Variants in FGD6 observed in about 807,000 individuals in gnomAD.
FGD6 encodes FYVE, RhoGEF and PH domain-containing protein 6.
Under a neutral mutation model 149.4 loss-of-function variants are expected in FGD6, and 90 were observed. The observed-to-expected ratio is 0.60, with a 90% CI of 0.51 to 0.72. The LOEUF (loss-of-function observed/expected upper bound fraction) is 0.72. FGD6 is among the 30% of genes least tolerant of loss of function. FGD6 has a pLI of 0.00. For synonymous variants in FGD6, 527 were observed against 584.0 expected (o/e 0.90, Z 1.41); for missense variants, 1,437 against 1,684.8 (o/e 0.85, Z 2.57).
intron 12 of FGD6, 30 bp downstream of exon 12, chr12:95,107,533 G>A: frequency 1.2e-6 from 2 of 1,610,482 alleles, no homozygotes; most frequent in Non-Finnish European, 1.7e-6. Context: ...CCCTACCTCG[G>A]CCACATCAGA....
intron 3 of FGD6, among the ~76,000 whole-genome samples, chr12:95,170,368 G>C (rs1325015087): frequency 6.6e-6 from 1 of 152,026 alleles, no homozygotes; most frequent in Non-Finnish European, 1.5e-5. Flanking sequence ...AGGCCGGGCA[G>C]GGTGGCTCAT....
chr12:95,127,228 T>G (rs1879371763), intron 8 of FGD6, among the ~76,000 whole-genome samples: 2 of 151,758 alleles, frequency 1.3e-5, no homozygotes, highest in Non-Finnish European at 2.9e-5. Flanking sequence ...ACAGAAGTTT[T>G]CCGTAAGGGT....
intron 8 of FGD6, among the ~76,000 whole-genome samples, chr12:95,130,724 T>TA (rs199932212): frequency 2.7e-5 from 4 of 147,550 alleles, no homozygotes; most frequent in Non-Finnish European, 6.0e-5. Flanking sequence ...ACATAAAATT[T>TA]AAAAAAAAAA....
At chr12:95,161,056 C>A (rs1208172095) in intron 3 of FGD6, among the ~76,000 whole-genome samples, 1 of 147,364 alleles carries the variant, frequency 6.8e-6, no homozygotes, top group Non-Finnish European at 1.5e-5. Flanking sequence ...GGCACACACC[C>A]GTAATCCCAG....
intron 3 of FGD6, among the ~76,000 whole-genome samples, chr12:95,168,219 A>G (rs902951841): frequency 6.6e-6 from 1 of 152,238 alleles, no homozygotes; most frequent in Non-Finnish European, 1.5e-5. Flanking sequence ...AAGTTTTCCC[A>G]TTAAACAAAA....
chr12:95,141,655 T>G (rs2136263309), intron 5 of FGD6, 116 bp from the exon 6 acceptor site: 1 of 1,180,742 alleles, frequency 8.5e-7, no homozygotes, highest in Non-Finnish European at 1.2e-6. Context: ...GTATTTCTCA[T>G]GCAGAATTAC....
chr12:95,210,516 G>T lies in FGD6; in HGVS notation c.768C>A (p.Cys256Ter), dbSNP rs2056720540. The T allele has an allele frequency of 6.2e-7, 1 of 1,613,872 alleles. No homozygotes were observed. The highest frequency in any genetic ancestry group is 8.5e-7 in the Non-Finnish European group (1 of 1,179,980). The change falls in exon 2 of 21, where the codon TGC becomes TGA. Residue 256 changes from cysteine to a stop codon, truncating the protein, a stop_gained. Transcript: ENST00000343958. LOFTEE classifies it high-confidence loss of function. ...PSDECEHFET[C>*]QDDSEKSNNC... is the part of the protein sequence containing the mutation. ...TATTGCTTTTTTCACTGTCATCCTG[G>T]CAAGTTTCAAAATGTTCACATTCAT...
intron 1 of FGD6, among the ~76,000 whole-genome samples, chr12:95,215,558 G>A (rs1257700826): frequency 6.6e-6 from 1 of 152,194 alleles, no homozygotes; most frequent in Non-Finnish European, 1.5e-5. Flanking sequence ...AAAAGTAGTT[G>A]ATGCTTCTCA....
chr12:95,094,491 C>G (rs1439793728), intron 15 of FGD6, 101 bp downstream of exon 15: 1 of 756,626 alleles, frequency 1.3e-6, no homozygotes, highest in African/African-American at 1.8e-5. Context: ...CCAGTCCAAT[C>G]ATTTTCTGAA....
At chr12:95,187,781 G>C (rs1046682754) in intron 2 of FGD6, among the ~76,000 whole-genome samples, 2 of 152,176 alleles carry the variant, frequency 1.3e-5, no homozygotes, top group African/African-American at 4.8e-5. Flanking sequence ...GTGAGCCACG[G>C]TTTTGCAGCA....
chr12:95,150,901 C>T (rs1880291270), intron 5 of FGD6, among the ~76,000 whole-genome samples: 1 of 152,016 alleles, frequency 6.6e-6, no homozygotes, highest in Non-Finnish European at 1.5e-5. Context: ...TCGAGACCAG[C>T]CTGGGCAACA....
At position 95,137,499 on chromosome 12, in the gene FGD6, C is replaced by A; in HGVS notation, c.2994+23G>T. 4 of 1,474,262 alleles carry A rather than the reference C, an allele frequency of 2.7e-6. No homozygotes were observed. In the South Asian group the frequency reaches 6.0e-5, roughly 22 times the overall value. The allele number at this position is 1,474,262 out of a possible 1,614,324, so 91.3% of individuals were successfully genotyped here. On this transcript the variant is annotated intron_variant, in intron 7 of 20. Transcript: ENST00000343958. ...AACAACAAAAAGAAAGAGAAGTGTT[C>A]AACATTAGATAGTAGCAAATACCTC...
At chr12:95,112,435 A>G (rs1189565192) in intron 9 of FGD6, among the ~76,000 whole-genome samples, 1 of 151,864 alleles carries the variant, frequency 6.6e-6, no homozygotes, top group African/African-American at 2.4e-5. Flanking sequence ...CCCCATCTCT[A>G]CTAAAAATAC....
intron 8 of FGD6, among the ~76,000 whole-genome samples, chr12:95,126,684 T>G (rs1879354164): frequency 6.9e-6 from 1 of 145,868 alleles, no homozygotes; most frequent in African/African-American, 2.6e-5. Flanking sequence ...TGAGCCGAGA[T>G]CACACCACTG....
chr12:95,114,294 G>A (rs1238033681), intron 8 of FGD6, among the ~76,000 whole-genome samples: 1 of 152,028 alleles, frequency 6.6e-6, no homozygotes, highest in African/African-American at 2.4e-5. Flanking sequence ...GGGGGCTACT[G>A]GTGGCTAGTG....
chr12:95,214,932 G>A (rs1237005978), intron 1 of FGD6, among the ~76,000 whole-genome samples: 3 of 143,218 alleles, frequency 2.1e-5, no homozygotes, highest in Non-Finnish European at 3.0e-5. Context: ...GCTCGATCTC[G>A]GCTCACCACA....
At chr12:95,182,022 G>A (rs1351001246) in intron 2 of FGD6, among the ~76,000 whole-genome samples, 2 of 151,068 alleles carry the variant, frequency 1.3e-5, no homozygotes, top group African/African-American at 4.9e-5. Context: ...TATTGAAAAC[G>A]AAAAAGTTTT....
At chr12:95,197,241 C>T (rs1013360558) in intron 2 of FGD6, among the ~76,000 whole-genome samples, 9 of 152,008 alleles carry the variant, frequency 5.9e-5, no homozygotes, top group African/African-American at 1.9e-4. Context: ...GAGTTTGAGA[C>T]CAGCCTGGCC....
intron 2 of FGD6, among the ~76,000 whole-genome samples, chr12:95,174,927 C>CAA (rs10687970): frequency 0.53 from 44,445 of 84,250 alleles, 12,062 homozygotes; most frequent in Admixed American, 0.58. Context: ...ACTCCATCTC[C>CAA]AAAAAAAAAA....
Sources: allele counts gnomAD v4.1 joint callset (sites outside exome capture counted in the v4.1 genomes callset), GRCh38; gene constraint gnomAD v4.1.1; transcripts MANE v1.5; gene names NCBI Gene and HGNC (gene_info 2026-07-23, HGNC 2026-07-21).